The following NUGGC variants were observed in gnomAD, a reference collection of about 807,000 sequenced individuals.
The protein encoded by NUGGC is nuclear GTPase SLIP-GC.
In NUGGC, 58 loss-of-function variants were observed where a neutral mutation model predicts 92.6. The observed-to-expected ratio is 0.63, with a 90% confidence interval of 0.51 to 0.78. The LOEUF (loss-of-function observed/expected upper bound fraction) is 0.78, where lower values mean the gene tolerates loss of function less well. Among genes scored for constraint, NUGGC ranks in the 30% least tolerant of loss-of-function variants. NUGGC has a pLI of 0.00. For synonymous variants in NUGGC, 376 were observed against 366.4 expected (o/e 1.03, Z -0.30); for missense variants, 925 against 964.6 (o/e 0.96, Z 0.54).
intron 10 of NUGGC, among the ~76,000 whole-genome samples, chr8:28,055,126 A>C (rs1810100287): frequency 6.6e-6 from 1 of 150,682 alleles, no homozygotes; most frequent in Non-Finnish European, 1.5e-5. Context: ...GGTGGCATGC[A>C]CCTGTAATCC....
chr8:28,034,997 T>C (rs17058474), intron 13 of NUGGC, among the ~76,000 whole-genome samples: 8,196 of 152,238 alleles, frequency 0.054, 697 homozygotes, highest in African/African-American at 0.19. Context: ...AGATACATTG[T>C]TTATTTGATA....
intron 10 of NUGGC, among the ~76,000 whole-genome samples, chr8:28,052,253 G>T (rs1810026002): frequency 6.6e-6 from 1 of 152,138 alleles, no homozygotes; most frequent in Non-Finnish European, 1.5e-5. Flanking sequence ...TGAAATTGAG[G>T]TGCATCTTGC....
At chr8:28,083,656 A>C (rs1810904084) in intron 1 of NUGGC, 119 bp downstream of exon 1, 1 of 152,198 alleles carries the variant, frequency 6.6e-6, no homozygotes, top group Non-Finnish European at 1.5e-5. Flanking sequence ...TTACATGGGA[A>C]TGCTCTAAAC....
chr8:28,040,378 AG>A (rs1809661529), intron 13 of NUGGC, among the ~76,000 whole-genome samples: 1 of 152,216 alleles, frequency 6.6e-6, no homozygotes, highest in Non-Finnish European at 1.5e-5. Context: ...ACTACCAGAT[AG>A]GTAGGGCAAG....
chr8:28,029,168 A>G, intron 17 of NUGGC, 98 bp downstream of exon 17: 2 of 1,240,780 alleles, frequency 1.6e-6, no homozygotes, highest in Non-Finnish European at 2.3e-6. Context: ...TTCCATTTGG[A>G]CCCAAATGCC....
In NUGGC at chr8:28,033,554, A is replaced by T; in HGVS notation, c.1755T>A (p.Phe585Leu). The change falls in exon 14 of 19, where the codon TTT (phenylalanine) becomes TTA (leucine). Residue 585 changes from phenylalanine to leucine, a missense_variant. Phe to Leu is a conservative substitution (Grantham distance 22). Coordinates refer to ENST00000413272, the MANE Select transcript of NUGGC (RefSeq NM_001010906.2). ...QPVYDQIDPV[F>L]GSIFRTGKPT... ...AGATCCTTTACCTAAAAATGCTTCC[A>T]AAAACAGGGTCGATCTGGTCATAGA... 1.2e-6 allele frequency: 2 copies of T among 1,613,278 alleles called. No individual in the cohort carries two copies. The highest frequency in any genetic ancestry group is 1.7e-6 in the Non-Finnish European group (2 of 1,179,666).
intron 14 of NUGGC, among the ~76,000 whole-genome samples, chr8:28,032,342 G>A (rs766412850): frequency 2.6e-5 from 4 of 152,194 alleles, no homozygotes; most frequent in Non-Finnish European, 4.4e-5. Flanking sequence ...GGGCAACCAC[G>A]TGAAATGCCA....
intron 1 of NUGGC, among the ~76,000 whole-genome samples, chr8:28,075,193 G>C (rs185013246): frequency 6.6e-6 from 1 of 152,130 alleles, no homozygotes; most frequent in African/African-American, 2.4e-5. Flanking sequence ...GCTTTGGGGG[G>C]CTGCTGACTG....
intron 4 of NUGGC, 53 bp from the exon 5 acceptor site, chr8:28,068,491 G>T: frequency 7.8e-7 from 1 of 1,275,098 alleles, no homozygotes; most frequent in Non-Finnish European, 1.1e-6. Flanking sequence ...TTAGAGTGAA[G>T]AGCATTGAAA....
intron 3 of NUGGC, 64 bp from the exon 4 acceptor site, chr8:28,069,716 A>T (rs559823039): frequency 1.1e-6 from 1 of 891,858 alleles, no homozygotes; most frequent in South Asian, 1.3e-5. Flanking sequence ...AGGTCTCCAA[A>T]GGAGGTGTCT....
chr8:28,039,855 C>T (rs1476523824), intron 13 of NUGGC, among the ~76,000 whole-genome samples: 1 of 152,190 alleles, frequency 6.6e-6, no homozygotes, highest in African/African-American at 2.4e-5. Context: ...ATGCGAAGCC[C>T]TAACCACCAG....
At chr8:28,059,914 G>A (rs536161809) in intron 8 of NUGGC, among the ~76,000 whole-genome samples, 2 of 152,190 alleles carry the variant, frequency 1.3e-5, no homozygotes, top group South Asian at 2.1e-4. Flanking sequence ...CCAGCCACTC[G>A]GGAGGCTGAG....
At chr8:28,077,428 G>T (rs1810750502) in intron 1 of NUGGC, among the ~76,000 whole-genome samples, 2 of 151,562 alleles carry the variant, frequency 1.3e-5, no homozygotes, top group African/African-American at 4.8e-5. Context: ...GTAGCCGGTT[G>T]TGGTGACACA....
chr8:28,032,713 T>C (rs1585556262), intron 14 of NUGGC, among the ~76,000 whole-genome samples: 1 of 120,428 alleles, frequency 8.3e-6, no homozygotes. Flanking sequence ...AGAGCGAGAC[T>C]CCATCTCAAG....
rs143876477 is a variant in NUGGC at position 28,079,742 on chromosome 8, T to C, written c.-47+4033A>G. Among the ~76,000 whole-genome samples, 11 of 152,238 alleles carry C rather than the reference T, an allele frequency of 7.2e-5. No individual in the cohort carries two copies. The East Asian group carries it at 2.1e-3, about 29-fold the overall frequency. ...AAACAAGCCCCCTGGAGCTCAGGCA[T>C]AGGGCAATGGAAGGAGTAGTGCCCG... On this transcript the variant is annotated intron_variant, in intron 1 of 18. Transcript: ENST00000413272.
At chr8:28,029,045 G>A (rs1410714154) in intron 17 of NUGGC, among the ~76,000 whole-genome samples, 3 of 152,144 alleles carry the variant, frequency 2.0e-5, no homozygotes, top group Non-Finnish European at 4.4e-5. Flanking sequence ...AAATAGCTGA[G>A]CACATGTCTA....
At chr8:28,052,829 A>G (rs1369660682) in intron 10 of NUGGC, among the ~76,000 whole-genome samples, 1 of 152,160 alleles carries the variant, frequency 6.6e-6, no homozygotes, top group Non-Finnish European at 1.5e-5. Context: ...GTCTTTTAAA[A>G]GATTATGTTA....
rs1809160260 is a variant in NUGGC at position 28,023,128 on chromosome 8, C to A, written c.*189G>T. On this transcript the variant is annotated 3_prime_UTR_variant, in exon 19 of 19. Coordinates refer to ENST00000413272, the MANE Select transcript of NUGGC (RefSeq NM_001010906.2). ...TGGCCTGTACCTGTAGCCCCAGCTG[C>A]TCTGGAGGCTGAGGCTGGAGGATCG... is the stretch of plus-strand genomic sequence containing the variant. The A allele has an allele frequency of 3.5e-6, 2 of 579,104 alleles. No homozygotes were observed. The highest frequency in any genetic ancestry group is 3.4e-5 in the Admixed American group (1 of 29,822). The allele number at this position is 579,104 out of a possible 1,614,324, so 35.9% of individuals were successfully genotyped here.
In NUGGC at chr8:28,029,389, GA is replaced by G. The variant is rs1222184266; in HGVS notation, c.2030del (p.Ile677ThrfsTer10). On this transcript the variant is annotated frameshift_variant, in exon 17 of 19. Coordinates refer to ENST00000413272, the MANE Select transcript of NUGGC (RefSeq NM_001010906.2). LOFTEE classifies it high-confidence loss of function. ...TCCGCTCACACGCTTTTTTGCCCGT[GA>G]TCTGAGCTGCCTCTGGCAAAAATGA... ...LKLCYEEAAQ[I>X]TGKKACERMK... 2 of 1,612,118 alleles carry G rather than the reference GA, an allele frequency of 1.2e-6. No individual in the cohort carries two copies.
Sources: gnomAD v4.1 joint callset for allele counts (sites outside exome capture counted in the v4.1 genomes callset) on GRCh38, gnomAD v4.1.1 for gene constraint, MANE v1.5 for transcripts, NCBI Gene and HGNC (gene_info 2026-07-23, HGNC 2026-07-21) for gene names.